The following GVQW3 variants were observed in gnomAD, a reference collection of about 807,000 sequenced individuals.
GVQW3 encodes protein GVQW3.
A neutral mutation model predicts 12.5 loss-of-function variants in GVQW3; 7 were observed. That is an observed-to-expected ratio of 0.56 (90% CI 0.32 to 1.05). GVQW3 has a LOEUF of 1.05. GVQW3 is among the 50% of genes least tolerant of loss of function. GVQW3 has a pLI of 0.04. For missense variants in GVQW3, 188 were observed against 190.8 expected, an observed-to-expected ratio of 0.99 and a Z score of 0.09; for synonymous variants, 71 against 67.2, an observed-to-expected ratio of 1.06 and a Z score of -0.28.
chr11:76,400,006 TACACACACACACACACAC>T (rs60192043), intron 1 of GVQW3, among the ~76,000 whole-genome samples: 26 of 140,374 alleles, frequency 1.9e-4, no homozygotes, highest in South Asian at 7.2e-4. Flanking sequence ...TCTCTCTGTA[TACACACACACACACACAC>T]ACACACACAC....
At chr11:76,412,574 T>A (rs1947086809), downstream of GVQW3, 1 of 152,256 alleles carries the variant, frequency 6.6e-6, no homozygotes, top group Non-Finnish European at 1.5e-5. Context: ...AATGTTGCTG[T>A]TTCACTGTTC....
rs12289955 is a variant in GVQW3 at position 76,404,655 on chromosome 11, A to G, written c.*897A>G. The G allele has an allele frequency of 0.14, 20,756 of 152,348 alleles. 1,894 individuals carry two copies. The highest frequency in any genetic ancestry group is 0.25 in the African/African-American group (10,365 of 41,516). 9.4% of individuals were successfully genotyped at this position (152,348 alleles called of 1,614,324 possible). On this transcript the variant is annotated 3_prime_UTR_variant, in exon 2 of 2. Transcript: ENST00000529331. ...TGGGCAGTGAAGGGGAATACCAAGC[A>G]TCCTGCACATCAGGTAGAAGGAGGA...
At chr11:76,400,661 C>T (rs1043824328) in intron 1 of GVQW3, among the ~76,000 whole-genome samples, 7 of 152,078 alleles carry the variant, frequency 4.6e-5, no homozygotes, top group African/African-American at 1.4e-4. Context: ...CTCAGGTGAT[C>T]CGCCCACCTC....
At chr11:76,400,071 C>G (rs1468941336) in intron 1 of GVQW3, among the ~76,000 whole-genome samples, 1 of 148,758 alleles carries the variant, frequency 6.7e-6, no homozygotes, top group African/African-American at 2.5e-5. Context: ...GGTTCTGTTT[C>G]CTGTTTCTCT....
rs1402755256 is a variant in GVQW3 at position 76,382,292 on chromosome 11, A to G, written c.464A>G (p.Lys155Arg). The change falls in exon 1 of 2, where the codon AAG (lysine) becomes AGG (arginine). Residue 155 changes from lysine to arginine, a missense_variant and splice_region_variant. Coordinates refer to ENST00000529331, the MANE Select transcript of GVQW3 (RefSeq NM_001347885.2). ...AAAAATAGCTCATGTTTGAGGAAAA[A>G]GGTAACAGGTTCTGAAACATGGAGT... Reference protein sequence around the residue: ...TRKNSSCLRKKRRNLTMLPRL... With the variant: ...TRKNSSCLRKRRRNLTMLPRL... 2.7e-6 allele frequency: 4 copies of G among 1,496,740 alleles called. No individual in the cohort carries two copies. The highest frequency in any genetic ancestry group is 3.6e-6 in the Non-Finnish European group (4 of 1,111,442). 92.7% of individuals were successfully genotyped at this position (1,496,740 alleles called of 1,614,324 possible). A position where few individuals can be genotyped will look rare whatever the true frequency, so the allele number is the denominator to read the frequency against.
chr11:76,382,996 A>C (rs1946793700), intron 1 of GVQW3: 1 of 153,380 alleles, frequency 6.5e-6, no homozygotes, highest in African/African-American at 2.4e-5. Flanking sequence ...AGGCACCCTT[A>C]GGAATCAGGG....
chr11:76,395,731 A>AT (rs545044030), intron 1 of GVQW3, among the ~76,000 whole-genome samples: 3 of 151,888 alleles, frequency 2.0e-5, no homozygotes, highest in Admixed American at 6.6e-5. Context: ...AACAAGCTCA[A>AT]TTTTTTCTTT....
chr11:76,382,243 T>C lies in GVQW3; in HGVS notation c.415T>C (p.Ser139Pro). Reference sequence around the variant, plus strand: ...TAAACCACGAAAACTTGACTTTCGGTCCGATCTTTCAAAGGAAACTAGGAA... The same window carrying C: ...TAAACCACGAAAACTTGACTTTCGGCCCGATCTTTCAAAGGAAACTAGGAA... ...EPKPRKLDFR[S>P]DLSKETRKNS... Residue 139 changes from serine to proline, a missense_variant, in exon 1 of 2, where the codon TCC becomes CCC. Transcript: ENST00000529331. 11 of 1,535,862 alleles carry C rather than the reference T, an allele frequency of 7.2e-6. No individual in the cohort carries two copies. Among genetic ancestry groups the C allele is most frequent in the Non-Finnish European group, 9.6e-6 (11 of 1,146,782 alleles).
intron 1 of GVQW3, chr11:76,382,767 T>A (rs1946791252): frequency 4.0e-6 from 1 of 253,056 alleles, no homozygotes; most frequent in South Asian, 1.1e-4. Context: ...ACCTTCTGCC[T>A]CAGAGGATCA....
rs1590817992 is a variant in GVQW3 at position 76,390,946 on chromosome 11, C to T, written c.465+8653C>T. Reference sequence around the variant, plus strand: ...ACAGCACAACACCTGGCATGGAGTACGTGCTCAATAGAGAATAATTTCTTC... The same window carrying T: ...ACAGCACAACACCTGGCATGGAGTATGTGCTCAATAGAGAATAATTTCTTC... On this transcript the variant is annotated intron_variant, in intron 1 of 1. Transcript: ENST00000529331. Among the ~76,000 whole-genome samples, 4 of 152,148 alleles carry T rather than the reference C, an allele frequency of 2.6e-5. No homozygotes were observed. In the South Asian group the frequency reaches 8.3e-4, roughly 32 times the overall value.
chr11:76,404,113 A>G lies in GVQW3; in HGVS notation c.*355A>G. 1 of 467,150 alleles carries G rather than the reference A, an allele frequency of 2.1e-6. No homozygotes were observed. The highest frequency in any genetic ancestry group is 2.9e-4 in the Middle Eastern group (1 of 3,436). 28.9% of individuals were successfully genotyped at this position (467,150 alleles called of 1,614,324 possible). A position where few individuals can be genotyped will look rare whatever the true frequency, so the allele number is the denominator to read the frequency against. On this transcript the variant is annotated 3_prime_UTR_variant, in exon 2 of 2. Transcript: ENST00000529331. ...ATATAAAATTGGCTGTCACATCTCC[A>G]TTTTGTTTATTTATTTACTTATTTA...
At position 76,406,829 on chromosome 11, in the gene GVQW3, A is replaced by T. The variant is rs992770047; in HGVS notation, c.*3071A>T. 3.9e-5 allele frequency: 6 copies of T among 152,164 alleles called. No homozygotes were observed. The highest frequency in any genetic ancestry group is 1.4e-4 in the African/African-American group (6 of 41,422). The allele number at this position is 152,164 out of a possible 1,614,324, so 9.4% of individuals were successfully genotyped here. A position where few individuals can be genotyped will look rare whatever the true frequency, so the allele number is the denominator to read the frequency against. ...CGAGACCAACCTGGCTAACACAGTG[A>T]AACCCCGTCTCTACCAAAAATACAA... On this transcript the variant is annotated 3_prime_UTR_variant, in exon 2 of 2. Transcript: ENST00000529331.
At chr11:76,382,743 T>G in intron 1 of GVQW3, 2 of 308,450 alleles carry the variant, frequency 6.5e-6, no homozygotes, top group African/African-American at 2.1e-5. Context: ...GGCTGTCCTG[T>G]TCCTTTGTTC....
chr11:76,389,992 T>A (rs559142461), intron 1 of GVQW3: 25 of 152,344 alleles, frequency 1.6e-4, no homozygotes, highest in African/African-American at 5.8e-4. Context: ...GTATTTTTTA[T>A]TTATGTCTGA....
At chr11:76,408,959 CTA>C (rs1200730286), downstream of GVQW3, among the ~76,000 whole-genome samples, 1 of 152,188 alleles carries the variant, frequency 6.6e-6, no homozygotes, top group East Asian at 1.9e-4. Context: ...CCTAGCATCT[CTA>C]TCACATTGTC....
At chr11:76,386,226 C>G (rs985627036) in intron 1 of GVQW3, among the ~76,000 whole-genome samples, 3 of 152,196 alleles carry the variant, frequency 2.0e-5, no homozygotes, top group Non-Finnish European at 2.9e-5. Flanking sequence ...GCAATTCTCC[C>G]CTTCCATCAC....
chr11:76,409,899 A>T (rs990769869), downstream of GVQW3, among the ~76,000 whole-genome samples: 4 of 152,122 alleles, frequency 2.6e-5, no homozygotes, highest in African/African-American at 9.7e-5. Context: ...GGTACTTTCC[A>T]CCCTGCTCAT....
intron 1 of GVQW3, among the ~76,000 whole-genome samples, chr11:76,400,405 T>C (rs1475256012): frequency 2.0e-5 from 3 of 147,670 alleles, no homozygotes; most frequent in Non-Finnish European, 3.0e-5. Context: ...TGAGTCACTC[T>C]GCCTGGCCCT....
chr11:76,399,106 T>C (rs1289738957), intron 1 of GVQW3, among the ~76,000 whole-genome samples: 1 of 151,874 alleles, frequency 6.6e-6, no homozygotes, highest in African/African-American at 2.4e-5. Flanking sequence ...TTGTATTGTA[T>C]TGTATTTTAT....
Sources: gnomAD v4.1 joint callset for allele counts (sites outside exome capture counted in the v4.1 genomes callset) on GRCh38, gnomAD v4.1.1 for gene constraint, MANE v1.5 for transcripts, NCBI Gene and HGNC (gene_info 2026-07-23, HGNC 2026-07-21) for gene names.